CDH13: variants seen among roughly 807,000 people sequenced by gnomAD.
CDH13 encodes the protein cadherin 13.
A neutral mutation model predicts 63.8 loss-of-function variants in CDH13; 24 were observed. That is an observed-to-expected ratio of 0.38 (90% CI 0.27 to 0.53). The LOEUF (loss-of-function observed/expected upper bound fraction) is 0.53, where lower values mean the gene tolerates loss of function less well. Among genes scored for constraint, CDH13 ranks in the 20% least tolerant of loss-of-function variants. CDH13 has a pLI of 0.85. For synonymous variants in CDH13, 503 were observed against 355.3 expected, an observed-to-expected ratio of 1.42 and a Z score of -4.67; for missense variants, 1,049 against 903.1, an observed-to-expected ratio of 1.16 and a Z score of -2.07.
intron 6 of CDH13, among the ~76,000 whole-genome samples, chr16:83,478,806 T>A (rs965238214): frequency 1.4e-5 from 2 of 141,226 alleles, no homozygotes; most frequent in Non-Finnish European, 3.0e-5. Flanking sequence ...ACCTCCCACC[T>A]GGCTGGCCAG....
intron 1 of CDH13, among the ~76,000 whole-genome samples, chr16:82,749,387 G>A (rs2034317704): frequency 6.6e-6 from 1 of 152,188 alleles, no homozygotes; most frequent in Non-Finnish European, 1.5e-5. Flanking sequence ...AGTTTGAAGA[G>A]AGAGGTAACC....
intron 7 of CDH13, among the ~76,000 whole-genome samples, chr16:83,535,319 C>T (rs1054598759): frequency 6.6e-6 from 1 of 152,164 alleles, no homozygotes; most frequent in Non-Finnish European, 1.5e-5. Context: ...CAAAGAGATA[C>T]CACTAAAGAA....
chr16:83,023,391 A>C (rs996478731), intron 2 of CDH13, among the ~76,000 whole-genome samples: 3 of 152,094 alleles, frequency 2.0e-5, no homozygotes, highest in Admixed American at 1.3e-4. Context: ...CTCCATGTAC[A>C]GTATCTTATA....
intron 1 of CDH13, among the ~76,000 whole-genome samples, chr16:82,711,486 T>C (rs1336956995): frequency 7.9e-5 from 12 of 152,198 alleles, no homozygotes; most frequent in Admixed American, 7.9e-4. Context: ...TCATCTGTTT[T>C]AGGCATGTGG....
chr16:83,137,584 C>T (rs1380997586), intron 4 of CDH13, among the ~76,000 whole-genome samples: 1 of 152,142 alleles, frequency 6.6e-6, no homozygotes, highest in Non-Finnish European at 1.5e-5. Flanking sequence ...TTGGTGTCTC[C>T]GCTGACAACC....
intron 8 of CDH13, among the ~76,000 whole-genome samples, chr16:83,628,965 G>C (rs1910553896): frequency 6.6e-6 from 1 of 152,134 alleles, no homozygotes; most frequent in African/African-American, 2.4e-5. Flanking sequence ...CAAACATAAG[G>C]AGCATAAGTA....
At chr16:82,712,715 C>A (rs552280697) in intron 1 of CDH13, among the ~76,000 whole-genome samples, 1 of 152,132 alleles carries the variant, frequency 6.6e-6, no homozygotes, top group Non-Finnish European at 1.5e-5. Flanking sequence ...ATGGCTGACT[C>A]CCTGAACTCT....
At chr16:82,721,184 C>G (rs1324854380) in intron 1 of CDH13, among the ~76,000 whole-genome samples, 2 of 152,146 alleles carry the variant, frequency 1.3e-5, no homozygotes, top group Non-Finnish European at 2.9e-5. Context: ...ATTAAAACCT[C>G]AGTTTCTATC....
Position 82,820,099 on chromosome 16 carries a change from C to G in CDH13, c.46-38263C>G, listed in dbSNP as rs1567568171. On this transcript the variant is annotated intron_variant, in intron 1 of 13. Transcript: ENST00000567109. ...GTGAACACTCACCAGCATCTCTTAG[C>G]TCCTTCATCTTTAAAACAGGGATAA... is the stretch of plus-strand genomic sequence containing the variant. Among the ~76,000 whole-genome samples the G allele has an allele frequency of 2.6e-5, 4 of 152,276 alleles. No homozygotes were observed. In the South Asian group the frequency reaches 8.3e-4, roughly 32 times the overall value.
chr16:83,366,006 T>C (rs1366278519), intron 6 of CDH13, among the ~76,000 whole-genome samples: 1 of 152,208 alleles, frequency 6.6e-6, no homozygotes, highest in African/African-American at 2.4e-5. Flanking sequence ...GTCATACTTC[T>C]CACCCACAGA....
intron 4 of CDH13, among the ~76,000 whole-genome samples, chr16:83,202,034 A>G (rs1274257851): frequency 6.6e-6 from 1 of 152,308 alleles, no homozygotes; most frequent in East Asian, 1.9e-4. Flanking sequence ...ACTCTATTTC[A>G]GTTTTCCCTG....
At chr16:83,074,830 G>A (rs1172770338) in intron 3 of CDH13, among the ~76,000 whole-genome samples, 2 of 152,124 alleles carry the variant, frequency 1.3e-5, no homozygotes, top group Non-Finnish European at 2.9e-5. Flanking sequence ...TTTTACCTCA[G>A]GTCTTCTGAT....
rs376292520 is a variant in CDH13, at chr16:82,663,434, C to T, written c.45+36297C>T. 4.7e-4 allele frequency among the ~76,000 whole-genome samples: 71 copies of T among 152,232 alleles called. No individual in the cohort carries two copies. In the East Asian group the frequency reaches 0.011, roughly 24 times the overall value. ...TCCCGACCTCAGATAATCCACACGC[C>T]TCGGCCTCCCAAAATGCTGGGATTA... On this transcript the variant is annotated intron_variant, in intron 1 of 13. Coordinates refer to ENST00000567109, the MANE Select transcript of CDH13 (RefSeq NM_001257.5).
intron 3 of CDH13, among the ~76,000 whole-genome samples, chr16:83,061,993 A>C (rs1416447212): frequency 6.6e-6 from 1 of 152,182 alleles, no homozygotes; most frequent in East Asian, 1.9e-4. Flanking sequence ...GCAGGGTGAC[A>C]ATTTATGGAG....
At chr16:83,636,752 C>A (rs1911301002) in intron 8 of CDH13, among the ~76,000 whole-genome samples, 1 of 152,110 alleles carries the variant, frequency 6.6e-6, no homozygotes, top group Non-Finnish European at 1.5e-5. Flanking sequence ...GTAGAGTGAC[C>A]TATTTTCCTT....
intron 3 of CDH13, among the ~76,000 whole-genome samples, chr16:83,059,896 C>G (rs1338971991): frequency 6.6e-6 from 1 of 150,798 alleles, no homozygotes; most frequent in Non-Finnish European, 1.5e-5. Context: ...CTGGTTCTCG[C>G]CATTCTCCTG....
intron 2 of CDH13, among the ~76,000 whole-genome samples, chr16:82,865,779 G>C (rs1042235627): frequency 3.9e-5 from 6 of 152,174 alleles, no homozygotes; most frequent in Non-Finnish European, 7.3e-5. Flanking sequence ...AATTTCTGTA[G>C]CTGGCTTGAA....
At chr16:82,861,181 C>T (rs1454626815) in intron 2 of CDH13, among the ~76,000 whole-genome samples, 4 of 152,192 alleles carry the variant, frequency 2.6e-5, no homozygotes, top group Non-Finnish European at 5.9e-5. Flanking sequence ...GTTTTAGTCT[C>T]ATATAAATAT....
At chr16:83,332,396 T>A (rs1035750293) in intron 5 of CDH13, among the ~76,000 whole-genome samples, 8 of 152,136 alleles carry the variant, frequency 5.3e-5, no homozygotes, top group Non-Finnish European at 1.2e-4. Flanking sequence ...CAACCCTAAT[T>A]TTTTTAAGAA....
Sources: gnomAD v4.1 joint callset for allele counts (sites outside exome capture counted in the v4.1 genomes callset) on GRCh38, gnomAD v4.1.1 for gene constraint, MANE v1.5 for transcripts, NCBI Gene and HGNC (gene_info 2026-07-23, HGNC 2026-07-21) for gene names.